NETO1: variants seen among roughly 807,000 people sequenced by gnomAD.
NETO1 encodes neuropilin and tolloid-like protein 1.
NETO1 carries 26 observed loss-of-function variants against 61.3 expected under a neutral mutation model. The ratio of observed to expected loss-of-function variants is 0.42; its 90% CI spans 0.31 to 0.59. NETO1 has a LOEUF of 0.59. Ranked by LOEUF, NETO1 falls within the 20% of genes least tolerant of loss-of-function variation. The probability of loss-of-function intolerance (pLI) is 0.12; values close to 1 mark genes in which losing one functional copy is unlikely to be tolerated. For missense variants in NETO1, 531 were observed against 662.8 expected (o/e 0.80, Z 2.18); for synonymous variants, 225 against 225.8 (o/e 1.00, Z 0.03).
chr18:72,862,864 C>T (rs2074620926), intron 3 of NETO1, among the ~76,000 whole-genome samples: 1 of 152,056 alleles, frequency 6.6e-6, no homozygotes, highest in African/African-American at 2.4e-5. Flanking sequence ...TCGTGATCCG[C>T]CCACATCGGC....
intron 4 of NETO1, among the ~76,000 whole-genome samples, chr18:72,801,557 T>C (rs887961815): frequency 5.9e-5 from 9 of 152,204 alleles, no homozygotes; most frequent in Admixed American, 6.5e-5. Flanking sequence ...TAGCTTAGTT[T>C]GTTCTCCGTG....
intron 4 of NETO1, among the ~76,000 whole-genome samples, chr18:72,810,256 T>C (rs950653747): frequency 6.6e-6 from 1 of 152,222 alleles, no homozygotes; most frequent in African/African-American, 2.4e-5. Context: ...ATTACAGTAA[T>C]TTAGGTTTGA....
Position 72,830,580 on chromosome 18 carries a change from T to G in NETO1, c.469+28246A>C, listed in dbSNP as rs2073543664. Among the ~76,000 whole-genome samples, 1 of 152,176 alleles carries G rather than the reference T, an allele frequency of 6.6e-6. No homozygotes were observed. Among genetic ancestry groups the G allele is most frequent in the Admixed American group, 6.5e-5 (1 of 15,280 alleles). ...TATTACAGAAGACTGCCAGAATTTT[T>G]TAGGAGCAGCTTTTGGTGTGGAGGT... On this transcript the variant is annotated intron_variant, in intron 4 of 10. Transcript: ENST00000327305. This position sits in a 1 kb window ranked among gnomAD's most constrained non-coding sequence, Gnocchi z 4.9.
intron 7 of NETO1, among the ~76,000 whole-genome samples, chr18:72,780,754 T>C (rs544330661): frequency 6.6e-6 from 1 of 152,036 alleles, no homozygotes; most frequent in Non-Finnish European, 1.5e-5. Context: ...TTGAGACCCA[T>C]GAGACATAGG....
intron 4 of NETO1, among the ~76,000 whole-genome samples, chr18:72,840,782 T>C (rs1485158182): frequency 6.6e-6 from 1 of 152,130 alleles, no homozygotes; most frequent in Non-Finnish European, 1.5e-5. Context: ...TCAATGTTTG[T>C]TTTAGGGATT....
At chr18:72,759,177 G>C (rs934955406) in intron 7 of NETO1, among the ~76,000 whole-genome samples, 2 of 151,954 alleles carry the variant, frequency 1.3e-5, no homozygotes, top group Non-Finnish European at 2.9e-5. Context: ...ATCCGGCACC[G>C]TGTCCACACA....
At chr18:72,775,248 T>C (rs879361374) in intron 7 of NETO1, among the ~76,000 whole-genome samples, 1 of 152,220 alleles carries the variant, frequency 6.6e-6, no homozygotes, top group Non-Finnish European at 1.5e-5. Context: ...TGGCATTAGA[T>C]AAATTTTGTT....
chr18:72,805,444 G>A (rs938157475), intron 4 of NETO1, among the ~76,000 whole-genome samples: 14 of 152,048 alleles, frequency 9.2e-5, no homozygotes, highest in Non-Finnish European at 2.1e-4. Context: ...TTAGATCCAC[G>A]AAAATAGCTA....
At position 72,756,016 on chromosome 18, in the gene NETO1, TCAG is replaced by T. The variant is rs1232286170; in HGVS notation, c.982+15_982+17del. 2.8e-6 allele frequency: 4 copies of T among 1,425,958 alleles called. No homozygotes were observed. Among genetic ancestry groups the T allele is most frequent in the Middle Eastern group, 1.8e-4 (1 of 5,594 alleles). 88.3% of individuals were successfully genotyped at this position (1,425,958 alleles called of 1,614,324 possible). A position where few individuals can be genotyped will look rare whatever the true frequency, so the allele number is the denominator to read the frequency against. On this transcript the variant is annotated intron_variant, in intron 8 of 10. Transcript: ENST00000327305. The stretch of plus-strand genomic sequence containing the variant: ...ACAGGGAGGAAATTTTTTTCAAATT[TCAG>T]GCACTAATCATTACCTTTACAGTGA...
rs1343132714 is a variant in NETO1, at chr18:72,747,711, CA to C, written c.*467del. ...CTGTCACTTTTCACTGTAGCATGTTCAAAATCATTCAGGAACGCACTATTCT... is the reference window on the plus strand; with the variant it reads ...CTGTCACTTTTCACTGTAGCATGTTCAAATCATTCAGGAACGCACTATTCT... On this transcript the variant is annotated 3_prime_UTR_variant, in exon 11 of 11. Transcript: ENST00000327305. 1.3e-5 allele frequency: 2 copies of C among 151,916 alleles called. No individual in the cohort carries two copies. Among genetic ancestry groups the C allele is most frequent in the Non-Finnish European group, 2.9e-5 (2 of 67,948 alleles). The allele number at this position is 151,916 out of a possible 1,614,324, so 9.4% of individuals were successfully genotyped here.
Position 72,750,404 on chromosome 18 carries a change from C to T in NETO1, c.1199G>A (p.Gly400Glu), listed in dbSNP as rs147535734. 18 of 1,614,104 alleles carry T rather than the reference C, an allele frequency of 1.1e-5. No homozygotes were observed. The East Asian group carries it at 4.0e-4, about 36-fold the overall frequency. Reference sequence around the variant, plus strand: ...TGCAAAGTCAGCTGTAGCTCCTGTCCCTCTGAGAGTGCATAACTCATAATG... The same window carrying T: ...TGCAAAGTCAGCTGTAGCTCCTGTCTCTCTGAGAGTGCATAACTCATAATG... The part of the protein sequence containing the change: ...PPHYELCTLR[G>E]TGATADFADV... Residue 400 changes from glycine to glutamate, a missense_variant, in exon 9 of 11, where the codon GGG becomes GAG. Transcript: ENST00000327305.
At chr18:72,792,532 A>G (rs1476187527) in intron 6 of NETO1, among the ~76,000 whole-genome samples, 6 of 151,546 alleles carry the variant, frequency 4.0e-5, no homozygotes, top group Non-Finnish European at 8.8e-5. Context: ...TATTTCCCTC[A>G]TGTTGGACCA....
At chr18:72,863,405 C>T (rs1011572114) in intron 3 of NETO1, among the ~76,000 whole-genome samples, 1 of 152,148 alleles carries the variant, frequency 6.6e-6, no homozygotes. Context: ...TGTGCTAATC[C>T]TAGGGCCCCT....
At chr18:72,773,894 G>C (rs1422796499) in intron 7 of NETO1, among the ~76,000 whole-genome samples, 3 of 151,948 alleles carry the variant, frequency 2.0e-5, no homozygotes, top group Admixed American at 2.0e-4. Context: ...TTTCAACTCA[G>C]TTTTTGGAAC....
intron 4 of NETO1, among the ~76,000 whole-genome samples, chr18:72,816,314 T>A (rs771752428): frequency 2.2e-4 from 34 of 152,198 alleles, no homozygotes; most frequent in Non-Finnish European, 4.6e-4. Context: ...AAATCTTAGA[T>A]ATCCCAAAGC....
chr18:72,852,120 T>C (rs1280084265), intron 4 of NETO1, among the ~76,000 whole-genome samples: 1 of 152,218 alleles, frequency 6.6e-6, no homozygotes, highest in Non-Finnish European at 1.5e-5. Flanking sequence ...GATTAGCCGA[T>C]AAATAAATAT....
chr18:72,787,386 C>A (rs1173360731), intron 6 of NETO1, among the ~76,000 whole-genome samples: 1 of 151,736 alleles, frequency 6.6e-6, no homozygotes, highest in Non-Finnish European at 1.5e-5. Context: ...GTTATAAAAA[C>A]CAAGTACTAA....
chr18:72,755,114 GACC>G (rs1433659761), intron 8 of NETO1, among the ~76,000 whole-genome samples: 2 of 152,108 alleles, frequency 1.3e-5, no homozygotes, highest in African/African-American at 4.8e-5. Flanking sequence ...ACACACATGG[GACC>G]ACGTTTATAT....
In NETO1 at chr18:72,830,495, C is replaced by G. The variant is rs912466394; in HGVS notation, c.469+28331G>C. ...GAGTCCAAAAAACAAACACAAATGACAAAAATAACAATGATCATAAGGTCT... is the reference window on the plus strand; with the variant it reads ...GAGTCCAAAAAACAAACACAAATGAGAAAAATAACAATGATCATAAGGTCT... On this transcript the variant is annotated intron_variant, in intron 4 of 10. Coordinates refer to ENST00000327305, the MANE Select transcript of NETO1 (RefSeq NM_138966.5). This position sits in a 1 kb window ranked among gnomAD's most constrained non-coding sequence, Gnocchi z 4.9. Among the ~76,000 whole-genome samples the G allele has an allele frequency of 2.0e-5, 3 of 152,028 alleles. No individual in the cohort carries two copies. Among genetic ancestry groups the G allele is most frequent in the Non-Finnish European group, 2.9e-5 (2 of 67,990 alleles).
Sources: gnomAD v4.1 joint callset for allele counts (sites outside exome capture counted in the v4.1 genomes callset) on GRCh38, gnomAD v4.1.1 for gene constraint, Gnocchi (gnomAD v3.1) non-coding constraint, MANE v1.5 for transcripts, NCBI Gene and HGNC (gene_info 2026-07-23, HGNC 2026-07-21) for gene names.